GAB1: variants seen among roughly 807,000 people sequenced by gnomAD.
GAB1 encodes GRB2 associated binding protein 1.
Under a neutral mutation model 66.5 loss-of-function variants are expected in GAB1, and 19 were observed. The ratio of observed to expected loss-of-function variants is 0.29; its 90% CI spans 0.20 to 0.42. The LOEUF (loss-of-function observed/expected upper bound fraction) is 0.42. GAB1 is among the 10% of genes least tolerant of loss of function. GAB1 has a pLI of 1.00. For missense variants in GAB1, 732 were observed against 858.5 expected, an observed-to-expected ratio of 0.85 and a Z score of 1.84; for synonymous variants, 294 against 301.4, an observed-to-expected ratio of 0.98 and a Z score of 0.25.
chr4:143,450,998 A>C (rs1470181103), intron 6 of GAB1, among the ~76,000 whole-genome samples: 1 of 152,210 alleles, frequency 6.6e-6, no homozygotes, highest in Non-Finnish European at 1.5e-5. Flanking sequence ...AGCACCTATC[A>C]GTTACAGGAT....
chr4:143,433,705 C>A lies in GAB1; in HGVS notation c.582C>A (p.Pro194=). ...LLLINCQSKK[P]EPTRTHADSA... ...TCATCAACTGTCAAAGCAAGAAGCC[C>A]GAACCCACCAGGTAAATTATATATG... The change falls in exon 3 of 10, where the codon CCC becomes CCA. Residue 194 remains proline (P), a synonymous_variant. Coordinates refer to ENST00000262994, the MANE Select transcript of GAB1 (RefSeq NM_002039.4). The A allele has an allele frequency of 6.2e-7, 1 of 1,613,332 alleles. No individual in the cohort carries two copies. The highest frequency in any genetic ancestry group is 1.1e-5 in the South Asian group (1 of 91,050).
rs866991041 is a variant in GAB1 at position 143,446,091 on chromosome 4, A to G, written c.1585+5709A>G. On this transcript the variant is annotated intron_variant, in intron 6 of 9. Coordinates refer to ENST00000262994, the MANE Select transcript of GAB1 (RefSeq NM_002039.4). ...AGTTTACTGAGAATGATGATTTCCAATTTCATCCATGTCCCTACAAAGGAC... is the reference window on the plus strand; with the variant it reads ...AGTTTACTGAGAATGATGATTTCCAGTTTCATCCATGTCCCTACAAAGGAC... Among the ~76,000 whole-genome samples the G allele has an allele frequency of 2.3e-3, 346 of 151,950 alleles. 3 individuals are homozygous for G. Among genetic ancestry groups the G allele is most frequent in the Middle Eastern group, 0.017 (5 of 294 alleles).
chr4:143,416,362 C>T (rs11100789), intron 2 of GAB1, among the ~76,000 whole-genome samples: 67,894 of 151,906 alleles, frequency 0.45, 15,831 homozygotes, highest in Non-Finnish European at 0.52. Context: ...GAGCCGAGAT[C>T]GCGCCACTGC....
intron 3 of GAB1, among the ~76,000 whole-genome samples, chr4:143,436,590 G>T (rs1397010026): frequency 6.6e-6 from 1 of 152,114 alleles, no homozygotes; most frequent in Non-Finnish European, 1.5e-5. Context: ...TAGAACAAGG[G>T]AATAAGTACG....
At position 143,455,496 on chromosome 4, in the gene GAB1, G is replaced by A. The variant is rs540255329; in HGVS notation, c.1586-3889G>A. Among the ~76,000 whole-genome samples, 7 of 152,272 alleles carry A rather than the reference G, an allele frequency of 4.6e-5. No individual in the cohort carries two copies. In the South Asian group the frequency reaches 1.0e-3, roughly 23 times the overall value. On this transcript the variant is annotated intron_variant, in intron 6 of 9. Coordinates refer to ENST00000262994, the MANE Select transcript of GAB1 (RefSeq NM_002039.4). ...GTGACCACTGGGAGATAACTATGGT[G>A]AAAAAAATCAGGAGGGAGCTGGAGA... is the stretch of plus-strand genomic sequence containing the variant.
rs186704596 is a variant in GAB1 at position 143,404,539 on chromosome 4, A to C, written c.73-10938A>C. On this transcript the variant is annotated intron_variant, in intron 1 of 9. Coordinates refer to ENST00000262994, the MANE Select transcript of GAB1 (RefSeq NM_002039.4). ...CTCTTAAGTTGAAGAAATATCCTTT[A>C]AAACTGCACTGTCCAGCCTGGGCAA... 1.9e-3 allele frequency among the ~76,000 whole-genome samples: 290 copies of C among 152,298 alleles called. 2 individuals carry two copies. The highest frequency in any genetic ancestry group is 0.017 in the Middle Eastern group (5 of 294).
chr4:143,357,872 A>G (rs1729510906), intron 1 of GAB1, among the ~76,000 whole-genome samples: 1 of 151,858 alleles, frequency 6.6e-6, no homozygotes. Context: ...AATCATATAT[A>G]TATATATATG....
chr4:143,407,844 ATTT>A (rs1732137986), intron 1 of GAB1, among the ~76,000 whole-genome samples: 1 of 152,024 alleles, frequency 6.6e-6, no homozygotes, highest in Non-Finnish European at 1.5e-5. Flanking sequence ...GTTTTTCTTT[ATTT>A]TATTTACCCT....
At chr4:143,341,381 C>G (rs1728818731) in intron 1 of GAB1, among the ~76,000 whole-genome samples, 1 of 152,166 alleles carries the variant, frequency 6.6e-6, no homozygotes, top group South Asian at 2.1e-4. Context: ...AAATAAGATG[C>G]AAGTCTGTAA....
In GAB1 at chr4:143,344,480, T is replaced by C. The variant is rs549650951; in HGVS notation, c.72+7220T>C. 4.4e-3 allele frequency among the ~76,000 whole-genome samples: 676 copies of C among 152,334 alleles called. 7 individuals are homozygous for C. The highest frequency in any genetic ancestry group is 0.015 in the African/African-American group (642 of 41,576). ...TCTGCCAACTAATACAGAAAACTTATCAAGTCACAGTTCTCTTTATTCTCC... is the reference window on the plus strand; with the variant it reads ...TCTGCCAACTAATACAGAAAACTTACCAAGTCACAGTTCTCTTTATTCTCC... On this transcript the variant is annotated intron_variant, in intron 1 of 9. Transcript: ENST00000262994.
At chr4:143,388,042 T>C (rs927354970) in intron 1 of GAB1, among the ~76,000 whole-genome samples, 17 of 152,182 alleles carry the variant, frequency 1.1e-4, no homozygotes, top group Admixed American at 6.5e-5. Flanking sequence ...TGACTTTGTT[T>C]TGGCATCTCT....
intron 1 of GAB1, among the ~76,000 whole-genome samples, chr4:143,403,069 C>A (rs1175038278): frequency 6.6e-6 from 1 of 152,114 alleles, no homozygotes; most frequent in Non-Finnish European, 1.5e-5. Context: ...CTTGTGTCAA[C>A]TGCACATGGT....
chr4:143,384,609 G>T (rs1384372767), intron 1 of GAB1, among the ~76,000 whole-genome samples: 1 of 152,192 alleles, frequency 6.6e-6, no homozygotes, highest in African/African-American at 2.4e-5. Flanking sequence ...ACAGACTAGG[G>T]GCAACAGCAC....
At chr4:143,414,203 T>C (rs1732557930) in intron 1 of GAB1, among the ~76,000 whole-genome samples, 1 of 152,118 alleles carries the variant, frequency 6.6e-6, no homozygotes, top group Admixed American at 6.6e-5. Context: ...GACTGAGACT[T>C]GCTAAAATAG....
At chr4:143,396,393 A>C (rs1731456998) in intron 1 of GAB1, among the ~76,000 whole-genome samples, 1 of 152,196 alleles carries the variant, frequency 6.6e-6, no homozygotes, top group Non-Finnish European at 1.5e-5. Context: ...AGCAGATGGA[A>C]ATTAGGCAGT....
chr4:143,446,822 G>T (rs1210111044), intron 6 of GAB1, among the ~76,000 whole-genome samples: 13 of 150,650 alleles, frequency 8.6e-5, no homozygotes, highest in South Asian at 4.2e-4. Flanking sequence ...GTCAATTTTG[G>T]CTTTTGTTGC....
At chr4:143,445,898 T>G (rs1734490464) in intron 6 of GAB1, among the ~76,000 whole-genome samples, 1 of 152,152 alleles carries the variant, frequency 6.6e-6, no homozygotes, top group African/African-American at 2.4e-5. Context: ...ACCCATTAAC[T>G]CGTCATTTAA....
intron 6 of GAB1, among the ~76,000 whole-genome samples, chr4:143,456,317 C>T (rs868222680): frequency 1.1e-4 from 17 of 152,194 alleles, no homozygotes; most frequent in South Asian, 8.3e-4. Context: ...ATTAGCCAGG[C>T]GTGGTGGCGG....
chr4:143,340,714 C>T (rs1228363828), intron 1 of GAB1, among the ~76,000 whole-genome samples: 1 of 152,096 alleles, frequency 6.6e-6, no homozygotes, highest in Non-Finnish European at 1.5e-5. Flanking sequence ...TTTCGCCAGG[C>T]TGGTCTCAAA....
Sources: gnomAD v4.1 joint callset for allele counts (sites outside exome capture counted in the v4.1 genomes callset) on GRCh38, gnomAD v4.1.1 for gene constraint, MANE v1.5 for transcripts, NCBI Gene and HGNC (gene_info 2026-07-23, HGNC 2026-07-21) for gene names.